GALNTL6: variants seen among roughly 807,000 people sequenced by gnomAD.
GALNTL6 encodes the protein polypeptide N-acetylgalactosaminyltransferase-like 6.
Under a neutral mutation model 73.7 loss-of-function variants are expected in GALNTL6, and 46 were observed. That is an observed-to-expected ratio of 0.62 (90% confidence interval 0.49 to 0.80). The LOEUF is 0.80. GALNTL6 is among the 30% of genes least tolerant of loss of function. The pLI is 0.00. For missense variants in GALNTL6, 604 were observed against 755.0 expected, an observed-to-expected ratio of 0.80 and a Z score of 2.34; for synonymous variants, 259 against 263.7, an observed-to-expected ratio of 0.98 and a Z score of 0.17.
intron 5 of GALNTL6, among the ~76,000 whole-genome samples, chr4:172,675,880 C>A (rs1732275783): frequency 6.6e-6 from 1 of 152,168 alleles, no homozygotes; most frequent in Admixed American, 6.5e-5. Flanking sequence ...ATTTCTGAAT[C>A]CTTGAGGCAT....
intron 2 of GALNTL6, among the ~76,000 whole-genome samples, chr4:171,861,502 T>C (rs1226570633): frequency 6.6e-6 from 1 of 152,192 alleles, no homozygotes; most frequent in Non-Finnish European, 1.5e-5. Context: ...TCAAACACTT[T>C]TGAAACTCAG....
At chr4:172,699,500 TC>T (rs1281490358) in intron 5 of GALNTL6, among the ~76,000 whole-genome samples, 1 of 152,156 alleles carries the variant, frequency 6.6e-6, no homozygotes, top group Non-Finnish European at 1.5e-5. Flanking sequence ...AATAACCTTC[TC>T]TCAGAGTTGC....
intron 5 of GALNTL6, among the ~76,000 whole-genome samples, chr4:172,475,953 C>T (rs1733214850): frequency 6.6e-6 from 1 of 152,188 alleles, no homozygotes; most frequent in African/African-American, 2.4e-5. Flanking sequence ...GCAGCATTTA[C>T]TTGCATCTGG....
rs530168353 is a variant in GALNTL6 at position 172,650,537 on chromosome 4, G to C, written c.554-158824G>C. The stretch of plus-strand genomic sequence containing the variant: ...ACATCTATTTAACAGTAATAGGTCA[G>C]AATAAACAGAGAATTCAAAGAACCA... On this transcript the variant is annotated intron_variant, in intron 5 of 12. Transcript: ENST00000506823. 5.2e-4 allele frequency among the ~76,000 whole-genome samples: 79 copies of C among 152,232 alleles called. 1 individual carries two copies. Among genetic ancestry groups the C allele is most frequent in the Middle Eastern group, 3.4e-3 (1 of 294 alleles).
At chr4:172,387,157 G>C (rs1044549053) in intron 5 of GALNTL6, among the ~76,000 whole-genome samples, 2 of 152,052 alleles carry the variant, frequency 1.3e-5, no homozygotes, top group South Asian at 4.2e-4. Context: ...ACCTTCTATG[G>C]GAGTATGGTT....
intron 5 of GALNTL6, among the ~76,000 whole-genome samples, chr4:172,367,583 G>T (rs769059380): frequency 5.9e-5 from 9 of 152,108 alleles, no homozygotes; most frequent in Non-Finnish European, 1.3e-4. Context: ...AAAAAAAAGT[G>T]TTGCTTCTAT....
chr4:171,996,447 A>T (rs1740486985), intron 2 of GALNTL6, among the ~76,000 whole-genome samples: 2 of 151,994 alleles, frequency 1.3e-5, no homozygotes, highest in African/African-American at 4.8e-5. Context: ...CCTCCAATCA[A>T]CTACTATTAT....
intron 3 of GALNTL6, among the ~76,000 whole-genome samples, chr4:172,309,057 G>A (rs1172236204): frequency 2.1e-5 from 3 of 145,704 alleles, no homozygotes; most frequent in Admixed American, 7.2e-5. Context: ...ATCAAACAGG[G>A]AAGCAAAGAA....
chr4:172,767,799 A>G (rs1474673060), intron 5 of GALNTL6, among the ~76,000 whole-genome samples: 1 of 151,162 alleles, frequency 6.6e-6, no homozygotes, highest in Admixed American at 6.6e-5. Flanking sequence ...CCTCCCAAGT[A>G]GCTGGGATCA....
At chr4:172,556,462 A>G (rs1024965467) in intron 5 of GALNTL6, among the ~76,000 whole-genome samples, 1 of 152,136 alleles carries the variant, frequency 6.6e-6, no homozygotes, top group East Asian at 1.9e-4. Context: ...CAAACAAGAC[A>G]TCCAGTTAAA....
At chr4:172,078,311 C>T (rs1731772127) in intron 2 of GALNTL6, among the ~76,000 whole-genome samples, 1 of 152,170 alleles carries the variant, frequency 6.6e-6, no homozygotes, top group Admixed American at 6.5e-5. Flanking sequence ...TGCTCACTCT[C>T]TCTCCTGTCA....
intron 2 of GALNTL6, among the ~76,000 whole-genome samples, chr4:171,942,312 G>A (rs1335214167): frequency 6.7e-6 from 1 of 150,234 alleles, no homozygotes; most frequent in African/African-American, 2.4e-5. Context: ...AGGGGAGGAG[G>A]TATGCTACAT....
At chr4:172,416,750 G>C (rs1730851137) in intron 5 of GALNTL6, among the ~76,000 whole-genome samples, 1 of 152,076 alleles carries the variant, frequency 6.6e-6, no homozygotes, top group Non-Finnish European at 1.5e-5. Context: ...CTTAAAAGTA[G>C]AGATGATTAT....
chr4:172,121,199 G>A (rs1364878068), intron 2 of GALNTL6, among the ~76,000 whole-genome samples: 2 of 151,730 alleles, frequency 1.3e-5, no homozygotes, highest in Non-Finnish European at 2.9e-5. Context: ...TTAATAACAA[G>A]GGTGGCACAA....
intron 5 of GALNTL6, among the ~76,000 whole-genome samples, chr4:172,448,414 T>C (rs372429803): frequency 6.6e-6 from 1 of 152,300 alleles, no homozygotes; most frequent in African/African-American, 2.4e-5. Context: ...TGAGACTTCT[T>C]TAGATAGCAC....
chr4:172,395,067 A>G (rs1743800463), intron 5 of GALNTL6, among the ~76,000 whole-genome samples: 1 of 152,202 alleles, frequency 6.6e-6, no homozygotes, highest in Non-Finnish European at 1.5e-5. Flanking sequence ...AGCACCTGAC[A>G]AGAAAATCTC....
At chr4:172,836,851 G>C (rs541657666) in intron 7 of GALNTL6, among the ~76,000 whole-genome samples, 144 of 152,158 alleles carry the variant, frequency 9.5e-4, no homozygotes, top group African/African-American at 3.3e-3. Flanking sequence ...TGATCTAATT[G>C]CCGAGCTGTA....
rs1158239530 is a variant in GALNTL6 at position 172,498,675 on chromosome 4, A to G, written c.553+149986A>G. ...AGCTATAAAATAAGTGCAGATGAGA[A>G]TCACATAATTACATTATATAAGGTT... On this transcript the variant is annotated intron_variant, in intron 5 of 12. Transcript: ENST00000506823. Among the ~76,000 whole-genome samples the G allele has an allele frequency of 3.9e-5, 6 of 152,210 alleles. No homozygotes were observed. The South Asian group carries it at 1.0e-3, about 26-fold the overall frequency.
intron 5 of GALNTL6, among the ~76,000 whole-genome samples, chr4:172,503,548 ATGT>A (rs931270115): frequency 1.3e-4 from 7 of 53,296 alleles, no homozygotes; most frequent in Middle Eastern, 9.6e-3. Flanking sequence ...ATATATATAT[ATGT>A]ATTAGTTTTT....
Sources: allele counts gnomAD v4.1 joint callset (sites outside exome capture counted in the v4.1 genomes callset), GRCh38; gene constraint gnomAD v4.1.1; transcripts MANE v1.5; gene names NCBI Gene and HGNC (gene_info 2026-07-23, HGNC 2026-07-21).